The following PCDHA1 variants were observed in gnomAD, a reference collection of about 807,000 sequenced individuals.
PCDHA1 encodes the protein protocadherin alpha-1.
In PCDHA1, 42 loss-of-function variants were observed where a neutral mutation model predicts 61.3. That is an observed-to-expected ratio of 0.69 (90% CI 0.54 to 0.89). PCDHA1 has a LOEUF of 0.89. Ranked by LOEUF, PCDHA1 falls within the 40% of genes least tolerant of loss-of-function variation. The pLI is 0.00. For synonymous variants in PCDHA1, 610 were observed against 553.8 expected (o/e 1.10, Z -1.43); for missense variants, 1,256 against 1,235.3 (o/e 1.02, Z -0.25).
At chr5:141,004,823 TTAGA>T (rs1175791432) in intron 3 of PCDHA1, among the ~76,000 whole-genome samples, 26 of 152,314 alleles carry the variant, frequency 1.7e-4, no homozygotes, top group African/African-American at 5.8e-4. Context: ...TTTGATTAAC[TTAGA>T]TAGATCAAAG....
chr5:140,790,263 T>A (rs542656869), intron 1 of PCDHA1, among the ~76,000 whole-genome samples: 1 of 152,322 alleles, frequency 6.6e-6, no homozygotes, highest in South Asian at 2.1e-4. Flanking sequence ...TAGACATCAT[T>A]GTATTTGGTA....
chr5:140,799,076 C>T (rs1316375658), intron 1 of PCDHA1, among the ~76,000 whole-genome samples: 1 of 152,120 alleles, frequency 6.6e-6, no homozygotes, highest in Non-Finnish European at 1.5e-5. Context: ...CTCCAGGAGT[C>T]ACAATCTGTT....
Position 141,009,653 on chromosome 5 carries a change from C to T in PCDHA1, c.2569C>T (p.Pro857Ser). ...ACCAGAGGCAGGAGAAGTGTCCCCTCCAGTCGGTGCGGGTGTCAACAGCAA... is the reference window on the plus strand; with the variant it reads ...ACCAGAGGCAGGAGAAGTGTCCCCTTCAGTCGGTGCGGGTGTCAACAGCAA... The part of the protein sequence containing the change: ...PEPEAGEVSP[P>S]VGAGVNSNSW... The change falls in exon 4 of 4, where the codon CCA becomes TCA. Residue 857 changes from proline (P) to serine (S), a missense_variant. Physicochemically the swap from Pro to Ser is moderately conservative, Grantham distance 74. Transcript: ENST00000504120. 1 of 1,613,998 alleles carries T rather than the reference C, an allele frequency of 6.2e-7. No individual in the cohort carries two copies. The highest frequency in any genetic ancestry group is 8.5e-7 in the Non-Finnish European group (1 of 1,179,950).
chr5:140,854,987 T>C (rs1220578373), intron 1 of PCDHA1, among the ~76,000 whole-genome samples: 1 of 149,970 alleles, frequency 6.7e-6, no homozygotes, highest in Admixed American at 6.7e-5. Context: ...TAAGATTCTT[T>C]TTGCCCGTGT....
chr5:140,967,888 G>A, intron 1 of PCDHA1: 1 of 1,614,138 alleles, frequency 6.2e-7, no homozygotes, highest in South Asian at 1.1e-5. Context: ...ATAGCCCAGT[G>A]CCTGAGAATG....
chr5:140,860,179 T>C (rs1448179121), intron 1 of PCDHA1: 2 of 148,944 alleles, frequency 1.3e-5, no homozygotes, highest in African/African-American at 4.9e-5. Flanking sequence ...ATATATATGA[T>C]GGGCTCTCCT....
Position 140,869,973 on chromosome 5 carries a change from C to T in PCDHA1, c.2394+81289C>T, listed in dbSNP as rs782664221. The stretch of plus-strand genomic sequence containing the variant: ...TGTCAATTAAGCCCAATGGAAGACA[C>T]TTATTTACACTAGATCAAAATAATG... On this transcript the variant is annotated intron_variant, in intron 1 of 3. Coordinates refer to ENST00000504120, the MANE Select transcript of PCDHA1 (RefSeq NM_018900.4). 3.0e-5 allele frequency: 48 copies of T among 1,613,102 alleles called. No individual in the cohort carries two copies. In the East Asian group the frequency reaches 1.0e-3, roughly 34 times the overall value.
intron 3 of PCDHA1, among the ~76,000 whole-genome samples, chr5:140,997,680 G>A (rs954561672): frequency 6.6e-6 from 1 of 151,954 alleles, no homozygotes; most frequent in African/African-American, 2.4e-5. Context: ...GTGTGTGTGT[G>A]TGTGTGTGTG....
chr5:140,884,703 A>T, intron 1 of PCDHA1: 3 of 1,495,534 alleles, frequency 2.0e-6, no homozygotes, highest in Non-Finnish European at 2.7e-6. Flanking sequence ...TAAACACTTT[A>T]GCCTTCCTTG....
intron 1 of PCDHA1, among the ~76,000 whole-genome samples, chr5:140,976,681 A>T (rs2096726641): frequency 6.6e-6 from 1 of 152,206 alleles, no homozygotes; most frequent in Non-Finnish European, 1.5e-5. Context: ...TCATTTTTGC[A>T]ATTTAAGTAC....
intron 3 of PCDHA1, among the ~76,000 whole-genome samples, chr5:140,983,854 T>C (rs1554245766): frequency 6.6e-6 from 1 of 152,206 alleles, no homozygotes; most frequent in Admixed American, 6.5e-5. Flanking sequence ...TTAAGTAACA[T>C]GCAGCTAAGG....
chr5:140,871,527 G>T lies in PCDHA1; in HGVS notation c.2394+82843G>T, dbSNP rs537927360. ...TTCTACAGATTCCACCTATCAGGAA[G>T]TGTATGTGAAATTATTTAAAATCCA... On this transcript the variant is annotated intron_variant, in intron 1 of 3. Transcript: ENST00000504120. 7 of 1,531,726 alleles carry T rather than the reference G, an allele frequency of 4.6e-6. No individual in the cohort carries two copies. The African/African-American group carries it at 9.7e-5, about 21-fold the overall frequency. The allele number at this position is 1,531,726 out of a possible 1,614,324, so 94.9% of individuals were successfully genotyped here.
rs782000026 is a variant in PCDHA1, at chr5:140,858,227, G to A, written c.2394+69543G>A. 14 of 1,596,370 alleles carry A rather than the reference G, an allele frequency of 8.8e-6. 2 individuals carry two copies. The African/African-American group carries it at 1.9e-4, about 21-fold the overall frequency. On this transcript the variant is annotated intron_variant, in intron 1 of 3. Coordinates refer to ENST00000504120, the MANE Select transcript of PCDHA1 (RefSeq NM_018900.4). Reference sequence around the variant, plus strand: ...ACTGAGGTGCTCGGCGGCGCCCACCGAGGGCGCATGTGGGCCGGTGAAGCC... The same window carrying A: ...ACTGAGGTGCTCGGCGGCGCCCACCAAGGGCGCATGTGGGCCGGTGAAGCC...
intron 3 of PCDHA1, among the ~76,000 whole-genome samples, chr5:141,005,089 A>C (rs1554259886): frequency 6.6e-6 from 1 of 152,244 alleles, no homozygotes; most frequent in Non-Finnish European, 1.5e-5. Context: ...TTAGTACTTT[A>C]CATGCATTAC....
chr5:140,927,505 G>C, intron 1 of PCDHA1: 2 of 1,614,120 alleles, frequency 1.2e-6, no homozygotes, highest in Middle Eastern at 1.6e-4. Context: ...GGTGCTTACA[G>C]CTCGGGACGG....
chr5:140,796,242 C>G (rs368800927), intron 1 of PCDHA1: 3 of 1,614,150 alleles, frequency 1.9e-6, no homozygotes, highest in South Asian at 2.2e-5. Flanking sequence ...TGGTGGTGAC[C>G]GCACGGGACG....
intron 1 of PCDHA1, among the ~76,000 whole-genome samples, chr5:140,914,744 T>C (rs989394283): frequency 6.6e-6 from 1 of 152,280 alleles, no homozygotes; most frequent in Non-Finnish European, 1.5e-5. Context: ...TGTATGTTTT[T>C]CCATTTGAGG....
intron 1 of PCDHA1, among the ~76,000 whole-genome samples, chr5:140,969,746 T>C (rs1353204080): frequency 6.6e-6 from 1 of 152,224 alleles, no homozygotes; most frequent in African/African-American, 2.4e-5. Context: ...ATGAGTGATG[T>C]TTCTTAAAAA....
Position 140,870,110 on chromosome 5 carries a change from G to A in PCDHA1, c.2394+81426G>A, listed in dbSNP as rs570133503. 6 of 1,613,896 alleles carry A rather than the reference G, an allele frequency of 3.7e-6. No individual in the cohort carries two copies. In the South Asian group the frequency reaches 6.6e-5, roughly 18 times the overall value. On this transcript the variant is annotated intron_variant, in intron 1 of 3. Coordinates refer to ENST00000504120, the MANE Select transcript of PCDHA1 (RefSeq NM_018900.4). ...CCAATGGCAGGTCACTGTACAGTCT[G>A]GGTGGAAATCTTGGACACCAACGAT... is the stretch of plus-strand genomic sequence containing the variant.
Sources: allele counts gnomAD v4.1 joint callset (sites outside exome capture counted in the v4.1 genomes callset), GRCh38; gene constraint gnomAD v4.1.1; transcripts MANE v1.5; gene names NCBI Gene and HGNC (gene_info 2026-07-23, HGNC 2026-07-21).